IQSEC1: variants seen among roughly 807,000 people sequenced by gnomAD.
The protein encoded by IQSEC1 is IQ motif and Sec7 domain ArfGEF 1.
A neutral mutation model predicts 91.0 loss-of-function variants in IQSEC1; 31 were observed. The observed-to-expected ratio is 0.34, with a 90% CI of 0.26 to 0.46. The LOEUF (loss-of-function observed/expected upper bound fraction) is 0.46, where lower values mean the gene tolerates loss of function less well. IQSEC1 is among the 20% of genes least tolerant of loss of function. The pLI is 1.00. For synonymous variants in IQSEC1, 699 were observed against 662.6 expected (o/e 1.05, Z -0.84); for missense variants, 1,388 against 1,575.6 (o/e 0.88, Z 2.02).
At chr3:13,123,509 A>C (rs552926156) in intron 2 of IQSEC1, among the ~76,000 whole-genome samples, 2 of 152,334 alleles carry the variant, frequency 1.3e-5, no homozygotes, top group South Asian at 4.1e-4. Flanking sequence ...TTGGTCTCCA[A>C]GTCCAAATGT....
intron 1 of IQSEC1, among the ~76,000 whole-genome samples, chr3:13,059,595 TA>T (rs754066332): frequency 6.6e-6 from 1 of 151,636 alleles, no homozygotes; most frequent in African/African-American, 2.4e-5. Flanking sequence ...TACAAAAAAA[TA>T]AAAAAAATTA....
intron 4 of IQSEC1, among the ~76,000 whole-genome samples, chr3:12,923,728 G>A (rs886809104): frequency 6.6e-6 from 1 of 152,226 alleles, no homozygotes; most frequent in African/African-American, 2.4e-5. Context: ...CCAGCCCCAG[G>A]GAACGTGAGG....
upstream of IQSEC1, among the ~76,000 whole-genome samples, chr3:13,077,262 T>G (rs1705578011): frequency 6.6e-6 from 1 of 152,208 alleles, no homozygotes; most frequent in African/African-American, 2.4e-5. Context: ...TGAACTCTGA[T>G]ATACCCCTGA....
exon 1 of IQSEC1, among the ~76,000 whole-genome samples, chr3:13,283,077 C>T (rs1187660148): frequency 1.2e-4 from 18 of 144,270 alleles, no homozygotes; most frequent in Non-Finnish European, 1.5e-4. Context: ...GGCGGCTCGG[C>T]GCGGCGCGGG....
At chr3:12,910,593 G>A (rs972488557) in intron 10 of IQSEC1, among the ~76,000 whole-genome samples, 1 of 152,338 alleles carries the variant, frequency 6.6e-6, no homozygotes, top group Non-Finnish European at 1.5e-5. Flanking sequence ...GTGGGGAGGC[G>A]GCCAGGGCAG....
chr3:13,218,980 G>A (rs543389373), intron 1 of IQSEC1, among the ~76,000 whole-genome samples: 57 of 152,232 alleles, frequency 3.7e-4, no homozygotes, highest in African/African-American at 1.3e-3. Context: ...TCAGCTGCAC[G>A]TGCACCCAAA....
chr3:13,178,587 G>C (rs9863744), intron 1 of IQSEC1, among the ~76,000 whole-genome samples: 2,595 of 152,324 alleles, frequency 0.017, 80 homozygotes, highest in African/African-American at 0.059. Context: ...ACATGGCAGA[G>C]AGCAGTAAGC....
Position 13,211,284 on chromosome 3 carries a change from A to C in IQSEC1, c.273-47151T>G, listed in dbSNP as rs192904151. ...CCTCCTCGACAGCAATGAACATGAAAGGCCTTCTTGGCAGCGAGCTCTTCA... is the reference window on the plus strand; with the variant it reads ...CCTCCTCGACAGCAATGAACATGAACGGCCTTCTTGGCAGCGAGCTCTTCA... On this transcript the variant is annotated intron_variant, in intron 1 of 15. Transcript: ENST00000648114. The surrounding 1 kb of genome is among the most constrained non-coding windows in gnomAD (Gnocchi z 5.3). Among the ~76,000 whole-genome samples, 1 of 152,352 alleles carries C rather than the reference A, an allele frequency of 6.6e-6. No homozygotes were observed. Among genetic ancestry groups the C allele is most frequent in the Admixed American group, 6.5e-5 (1 of 15,304 alleles).
At chr3:13,018,482 C>T (rs1373554573) in intron 1 of IQSEC1, among the ~76,000 whole-genome samples, 5 of 152,214 alleles carry the variant, frequency 3.3e-5, no homozygotes, top group South Asian at 2.1e-4. Context: ...AGGCACAAAA[C>T]GATCTTTCTT....
At position 13,207,727 on chromosome 3, in the gene IQSEC1, C is replaced by T. The variant is rs1467856754; in HGVS notation, c.273-43594G>A. Among the ~76,000 whole-genome samples, 9 of 152,214 alleles carry T rather than the reference C, an allele frequency of 5.9e-5. No individual in the cohort carries two copies. The highest frequency in any genetic ancestry group is 1.2e-4 in the Non-Finnish European group (8 of 68,050). On this transcript the variant is annotated intron_variant, in intron 1 of 15. Transcript: ENST00000648114. This position sits in a 1 kb window ranked among gnomAD's most constrained non-coding sequence, Gnocchi z 4.8. ...GCTTATCCCTGCCATCAGCCGGCCACGCCATCGCCAGCTCTCCCGGGAGGC... is the reference window on the plus strand; with the variant it reads ...GCTTATCCCTGCCATCAGCCGGCCATGCCATCGCCAGCTCTCCCGGGAGGC...
chr3:13,036,721 C>G (rs544031133), intron 1 of IQSEC1, among the ~76,000 whole-genome samples: 181 of 152,326 alleles, frequency 1.2e-3, no homozygotes, highest in Non-Finnish European at 1.8e-3. Flanking sequence ...CACTGAGCTC[C>G]CTTACTGAGC....
intron 6 of IQSEC1, among the ~76,000 whole-genome samples, chr3:12,918,643 C>T (rs1373972979): frequency 6.6e-6 from 1 of 152,052 alleles, no homozygotes; most frequent in African/African-American, 2.4e-5. Flanking sequence ...ATAGTGAGAC[C>T]CTACCTCTAG....
chr3:13,151,725 G>A (rs1310079828), intron 2 of IQSEC1, among the ~76,000 whole-genome samples: 2 of 152,232 alleles, frequency 1.3e-5, no homozygotes, highest in Non-Finnish European at 2.9e-5. Flanking sequence ...CAGCACTTTG[G>A]GAGGCCGAGG....
intron 1 of IQSEC1, among the ~76,000 whole-genome samples, chr3:13,001,974 A>G (rs1267266239): frequency 3.3e-5 from 5 of 152,102 alleles, no homozygotes; most frequent in African/African-American, 7.2e-5. Context: ...CAGGAGAATC[A>G]CTTGAACCCG....
In IQSEC1 at chr3:13,114,223, G is replaced by C. The variant is rs141275579; in HGVS notation, c.302+49881C>G. On this transcript the variant is annotated intron_variant, in intron 2 of 15. Transcript: ENST00000648114. ...GCTGCTGATTACACCTGCAGGATGC[G>C]GGTGGGGATACAGAATTGGTGGTGT... 2.6e-3 allele frequency among the ~76,000 whole-genome samples: 396 copies of C among 152,256 alleles called. 3 individuals carry two copies. Among genetic ancestry groups the C allele is most frequent in the African/African-American group, 8.9e-3 (371 of 41,534 alleles).
intron 2 of IQSEC1, among the ~76,000 whole-genome samples, chr3:13,159,422 C>A (rs1485337218): frequency 6.6e-6 from 1 of 151,986 alleles, no homozygotes. Flanking sequence ...AGAACAAGAC[C>A]CCATCTCAAA....
chr3:13,221,945 G>C (rs374857983), intron 1 of IQSEC1, among the ~76,000 whole-genome samples: 1 of 152,360 alleles, frequency 6.6e-6, no homozygotes, highest in Non-Finnish European at 1.5e-5. Context: ...GCGGAGCAGA[G>C]GGGCAGGAGG....
chr3:12,950,905 C>G (rs1312001270), intron 1 of IQSEC1, among the ~76,000 whole-genome samples: 2 of 152,044 alleles, frequency 1.3e-5, no homozygotes, highest in East Asian at 3.9e-4. Flanking sequence ...CTTGGCCTCC[C>G]AAAATGCTGA....
chr3:13,013,744 C>T (rs904570530), intron 1 of IQSEC1, among the ~76,000 whole-genome samples: 5 of 152,198 alleles, frequency 3.3e-5, no homozygotes, highest in African/African-American at 1.2e-4. Context: ...TGATTTATCA[C>T]CTTTGTACTC....
Sources: allele counts gnomAD v4.1 joint callset (sites outside exome capture counted in the v4.1 genomes callset), GRCh38; gene constraint gnomAD v4.1.1; non-coding constraint Gnocchi (gnomAD v3.1); transcripts MANE v1.5; gene names NCBI Gene and HGNC (gene_info 2026-07-23, HGNC 2026-07-21).